SLC45A4: variants seen among roughly 807,000 people sequenced by gnomAD.
The protein encoded by SLC45A4 is solute carrier family 45 member 4.
Under a neutral mutation model 63.7 loss-of-function variants are expected in SLC45A4, and 32 were observed. The ratio of observed to expected loss-of-function variants is 0.50; its 90% CI spans 0.38 to 0.67. The LOEUF is 0.67. Ranked by LOEUF, SLC45A4 falls within the 30% of genes least tolerant of loss-of-function variation. SLC45A4 has a pLI of 0.00. For synonymous variants in SLC45A4, 535 were observed against 510.0 expected, an observed-to-expected ratio of 1.05 and a Z score of -0.66; for missense variants, 1,027 against 1,157.7, an observed-to-expected ratio of 0.89 and a Z score of 1.64.
intron 1 of SLC45A4, among the ~76,000 whole-genome samples, chr8:141,264,993 A>C (rs1397632344): frequency 1.3e-5 from 2 of 152,244 alleles, no homozygotes; most frequent in Admixed American, 1.3e-4. Context: ...ATTCATTCTT[A>C]TATTTTCAGT....
intron 1 of SLC45A4, among the ~76,000 whole-genome samples, chr8:141,293,207 C>T (rs1830421354): frequency 6.6e-6 from 1 of 152,200 alleles, no homozygotes; most frequent in Non-Finnish European, 1.5e-5. Context: ...GTAATCCCAG[C>T]ACTTTGGGAG....
At chr8:141,273,535 G>T (rs1829618279) in intron 1 of SLC45A4, among the ~76,000 whole-genome samples, 1 of 152,072 alleles carries the variant, frequency 6.6e-6, no homozygotes, top group African/African-American at 2.4e-5. Context: ...GGAGAGGCAG[G>T]TCGCGTGTTC....
At position 141,210,991 on chromosome 8, in the gene SLC45A4, G is replaced by A. The variant is rs2154613911; in HGVS notation, c.*581C>T. ...GGTGACACGGGCCTTAGCTGTCCCA[G>A]ACGTCTGCGTCCCTTTGCACCTGTC... On this transcript the variant is annotated 3_prime_UTR_variant, in exon 9 of 9. Transcript: ENST00000517878. 6.4e-6 allele frequency: 1 copy of A among 156,248 alleles called. No homozygotes were observed. Among genetic ancestry groups the A allele is most frequent in the Non-Finnish European group, 1.4e-5 (1 of 70,566 alleles). 9.7% of individuals were successfully genotyped at this position (156,248 alleles called of 1,614,324 possible).
intron 2 of SLC45A4, among the ~76,000 whole-genome samples, chr8:141,234,953 C>T (rs749806671): frequency 4.6e-5 from 7 of 152,228 alleles, no homozygotes; most frequent in Admixed American, 2.6e-4. Flanking sequence ...TGTGTCCCCG[C>T]GCTGGTCTGC....
At chr8:141,268,827 C>T (rs562048675) in intron 1 of SLC45A4, among the ~76,000 whole-genome samples, 27 of 152,128 alleles carry the variant, frequency 1.8e-4, no homozygotes, top group Admixed American at 3.9e-4. Flanking sequence ...ATCGTGGAGG[C>T]GCCCATCTCC....
At chr8:141,219,859 GTCC>G (rs757990652) in intron 3 of SLC45A4, 30 bp from the exon 4 acceptor site, 1 of 1,525,798 alleles carries the variant, frequency 6.6e-7, no homozygotes, top group South Asian at 1.2e-5. Context: ...GGGCGGTCAG[GTCC>G]TCAAGCACTG....
intron 2 of SLC45A4, among the ~76,000 whole-genome samples, chr8:141,223,008 G>A (rs900816798): frequency 2.5e-4 from 38 of 152,224 alleles, no homozygotes; most frequent in African/African-American, 9.2e-4. Context: ...TGGCACGCCA[G>A]CGGCTCATCT....
chr8:141,212,994 C>T (rs560446599), intron 7 of SLC45A4, among the ~76,000 whole-genome samples: 2 of 152,150 alleles, frequency 1.3e-5, no homozygotes, highest in Non-Finnish European at 2.9e-5. Flanking sequence ...GCTGGACCCA[C>T]GGAAAGAGTG....
chr8:141,251,762 C>T (rs1828476427), intron 2 of SLC45A4, among the ~76,000 whole-genome samples: 1 of 151,734 alleles, frequency 6.6e-6, no homozygotes, highest in Admixed American at 6.6e-5. Flanking sequence ...CATGGAAGCA[C>T]TGGAAAAGTA....
intron 1 of SLC45A4, among the ~76,000 whole-genome samples, chr8:141,298,734 T>C (rs1451438846): frequency 6.6e-6 from 1 of 151,392 alleles, no homozygotes; most frequent in East Asian, 1.9e-4. Flanking sequence ...GGAGGAGGGG[T>C]GTGGGAACTA....
Position 141,211,398 on chromosome 8 carries a change from C to T in SLC45A4, c.*174G>A, listed in dbSNP as rs375157040. 2.7e-4 allele frequency: 416 copies of T among 1,526,622 alleles called. 1 individual carries two copies. The highest frequency in any genetic ancestry group is 1.1e-4 in the Non-Finnish European group (128 of 1,139,948). The allele number at this position is 1,526,622 out of a possible 1,614,324, so 94.6% of individuals were successfully genotyped here. ...CTCACGCTCCGCCCCCAGGTGGTGCCCAGCCCATCCCTGGGCAGGGTGTCT... is the reference window on the plus strand; with the variant it reads ...CTCACGCTCCGCCCCCAGGTGGTGCTCAGCCCATCCCTGGGCAGGGTGTCT... On this transcript the variant is annotated 3_prime_UTR_variant, in exon 9 of 9. Transcript: ENST00000517878.
At chr8:141,214,914 C>A (rs1424517168) in intron 7 of SLC45A4, among the ~76,000 whole-genome samples, 1 of 152,194 alleles carries the variant, frequency 6.6e-6, no homozygotes, top group Non-Finnish European at 1.5e-5. Flanking sequence ...CCACACTACT[C>A]CAAGGAGACT....
At chr8:141,231,422 A>C (rs1205202125) in intron 2 of SLC45A4, among the ~76,000 whole-genome samples, 3 of 152,224 alleles carry the variant, frequency 2.0e-5, no homozygotes, top group Non-Finnish European at 4.4e-5. Context: ...CCAGATGACC[A>C]GCTAAGTCCC....
intron 1 of SLC45A4, among the ~76,000 whole-genome samples, chr8:141,263,733 G>A (rs1455876205): frequency 2.8e-5 from 4 of 141,956 alleles, no homozygotes; most frequent in Non-Finnish European, 4.5e-5. Context: ...CTGCGCCACT[G>A]TACTCCAGCC....
rs567605932 is a variant in SLC45A4, at chr8:141,256,594, G to A, written c.-400-1965C>T. On this transcript the variant is annotated intron_variant, in intron 1 of 8. Transcript: ENST00000517878. This position sits in a 1 kb window ranked among gnomAD's most constrained non-coding sequence, Gnocchi z 4.3. Reference sequence around the variant, plus strand: ...AGGAAGCCGTGCGCCTGGCTCTTACGTCCCAGCTCTTCCCTACATCTTCTT... The same window carrying A: ...AGGAAGCCGTGCGCCTGGCTCTTACATCCCAGCTCTTCCCTACATCTTCTT... 9.2e-5 allele frequency: 42 copies of A among 456,230 alleles called. No homozygotes were observed. Among genetic ancestry groups the A allele is most frequent in the Admixed American group, 2.8e-4 (12 of 42,576 alleles). The allele number at this position is 456,230 out of a possible 1,614,324, so 28.3% of individuals were successfully genotyped here.
At chr8:141,246,220 G>A (rs1201659536) in intron 2 of SLC45A4, among the ~76,000 whole-genome samples, 4 of 152,174 alleles carry the variant, frequency 2.6e-5, no homozygotes, top group African/African-American at 9.7e-5. Context: ...GCAGTGCAAA[G>A]AGTCTGACAA....
chr8:141,287,051 T>C (rs1179971964), intron 1 of SLC45A4, among the ~76,000 whole-genome samples: 1 of 151,978 alleles, frequency 6.6e-6, no homozygotes, highest in East Asian at 1.9e-4. Context: ...CTTGAGGAAG[T>C]CGCCTGACCG....
At chr8:141,246,820 A>G (rs933203342) in intron 2 of SLC45A4, among the ~76,000 whole-genome samples, 4 of 152,230 alleles carry the variant, frequency 2.6e-5, no homozygotes, top group African/African-American at 7.2e-5. Flanking sequence ...CACCTTAAGA[A>G]ACTAGAAGAA....
rs1175415026 is a variant in SLC45A4, at chr8:141,254,397, C to T, written c.-168G>A. On this transcript the variant is annotated 5_prime_UTR_variant, in exon 2 of 9. Transcript: ENST00000517878. The surrounding 1 kb of genome is among the most constrained non-coding windows in gnomAD (Gnocchi z 4.5). ...CACAAGTGGCTATCTCACAACTTCT[C>T]ACAACGGTATGAGACATGCAGCAAC... The T allele has an allele frequency of 1.4e-5, 11 of 778,868 alleles. No individual in the cohort carries two copies. In the East Asian group the frequency reaches 2.7e-4, roughly 19 times the overall value. The allele number at this position is 778,868 out of a possible 1,614,324, so 48.2% of individuals were successfully genotyped here.
Sources: gnomAD v4.1 joint callset for allele counts (sites outside exome capture counted in the v4.1 genomes callset) on GRCh38, gnomAD v4.1.1 for gene constraint, Gnocchi (gnomAD v3.1) non-coding constraint, MANE v1.5 for transcripts, NCBI Gene and HGNC (gene_info 2026-07-23, HGNC 2026-07-21) for gene names.